SNX29: variants seen among roughly 807,000 people sequenced by gnomAD.
SNX29 encodes sorting nexin-29.
SNX29 carries 78 observed loss-of-function variants against 102.1 expected under a neutral mutation model. The observed-to-expected ratio is 0.76, with a 90% CI of 0.64 to 0.92. The LOEUF (loss-of-function observed/expected upper bound fraction) is 0.92. Among genes scored for constraint, SNX29 ranks in the 40% least tolerant of loss-of-function variants. SNX29 has a pLI of 0.00. For missense variants in SNX29, 1,280 were observed against 1,061.7 expected, an observed-to-expected ratio of 1.21 and a Z score of -2.86; for synonymous variants, 580 against 414.5, an observed-to-expected ratio of 1.40 and a Z score of -4.85.
Position 12,538,644 on chromosome 16 carries a change from C to G in SNX29, c.2318+13803C>G, listed in dbSNP as rs140571296. On this transcript the variant is annotated intron_variant, in intron 20 of 20. Transcript: ENST00000566228. ...GACTAGGAAGAATGGAAAAACTGGG[C>G]TGTGAAACAGAAAGATCCACAGATC... Among the ~76,000 whole-genome samples the G allele has an allele frequency of 1.2e-3, 189 of 152,212 alleles. 2 individuals carry two copies. The highest frequency in any genetic ancestry group is 0.012 in the South Asian group (57 of 4,824).
In SNX29 at chr16:12,572,219, G is replaced by T; in HGVS notation, c.*3590G>T. 1.0e-6 allele frequency: 1 copy of T among 998,512 alleles called. No individual in the cohort carries two copies. The highest frequency in any genetic ancestry group is 1.2e-6 in the Non-Finnish European group (1 of 819,180). 61.9% of individuals were successfully genotyped at this position (998,512 alleles called of 1,614,324 possible). A position where few individuals can be genotyped will look rare whatever the true frequency, so the allele number is the denominator to read the frequency against. ...TAGTATTGTGCTTTAAAAACCAGAG[G>T]CTCCTGAAAGTCGTTTACACCAGGT... is the stretch of plus-strand genomic sequence containing the variant. On this transcript the variant is annotated 3_prime_UTR_variant, in exon 21 of 21. Coordinates refer to ENST00000566228, the MANE Select transcript of SNX29 (RefSeq NM_032167.5).
intron 14 of SNX29, among the ~76,000 whole-genome samples, chr16:12,241,985 AG>A (rs1411847131): frequency 6.6e-6 from 1 of 152,112 alleles, no homozygotes; most frequent in African/African-American, 2.4e-5. Flanking sequence ...TGCTCATCTA[AG>A]AACCCATAGC....
chr16:12,522,690 C>T (rs537007560), intron 19 of SNX29, among the ~76,000 whole-genome samples: 25 of 152,176 alleles, frequency 1.6e-4, no homozygotes, highest in Non-Finnish European at 3.2e-4. Context: ...CTTTGCCTTC[C>T]ACCATGATTG....
At chr16:12,080,066 G>T (rs150853722) in intron 11 of SNX29, among the ~76,000 whole-genome samples, 6 of 152,196 alleles carry the variant, frequency 3.9e-5, no homozygotes, top group African/African-American at 1.2e-4. Context: ...GGAGCCCATG[G>T]TTATTCCTAG....
rs1029444863 is a variant in SNX29, at chr16:12,568,671, G to C, written c.*42G>C. The C allele has an allele frequency of 3.8e-6, 6 of 1,590,530 alleles. No individual in the cohort carries two copies. Among genetic ancestry groups the C allele is most frequent in the African/African-American group, 2.7e-5 (2 of 74,682 alleles). On this transcript the variant is annotated 3_prime_UTR_variant, in exon 21 of 21. Transcript: ENST00000566228. ...GCCACGGGCCCTGTGCGTGGCACCA[G>C]CTGCGTCCACCCCAGCCACTGCCGC...
chr16:12,209,611 G>C (rs72786303), intron 14 of SNX29, among the ~76,000 whole-genome samples: 3,184 of 152,146 alleles, frequency 0.021, 51 homozygotes, highest in Non-Finnish European at 0.032. Flanking sequence ...GGACCTGTAG[G>C]TGGCTGAAGG....
At chr16:12,344,796 A>G (rs952488166) in intron 15 of SNX29, among the ~76,000 whole-genome samples, 3 of 152,202 alleles carry the variant, frequency 2.0e-5, no homozygotes, top group African/African-American at 7.2e-5. Context: ...GAGGAGGCCA[A>G]CGCTGCGCTG....
At chr16:12,560,618 C>A (rs1254469161) in intron 20 of SNX29, 12 of 153,384 alleles carry the variant, frequency 7.8e-5, no homozygotes, top group African/African-American at 2.6e-4. Flanking sequence ...CAACAGCTGC[C>A]TTGTCACATC....
intron 13 of SNX29, among the ~76,000 whole-genome samples, chr16:12,170,688 GT>G (rs2076128019): frequency 1.3e-5 from 2 of 151,958 alleles, no homozygotes. Context: ...GGCTGAGTGG[GT>G]GGTAGACACG....
chr16:12,418,869 T>A (rs2084758571), intron 18 of SNX29, among the ~76,000 whole-genome samples: 2 of 152,294 alleles, frequency 1.3e-5, no homozygotes, highest in East Asian at 3.9e-4. Context: ...TGCAGTTTCC[T>A]ACACAGTCAG....
At chr16:11,986,188 T>C (rs1430846937) in intron 1 of SNX29, among the ~76,000 whole-genome samples, 4 of 151,454 alleles carry the variant, frequency 2.6e-5, no homozygotes, top group Non-Finnish European at 4.4e-5. Flanking sequence ...GCAAGGGGAG[T>C]GAGGACTCTT....
At chr16:12,200,737 G>T (rs971377895) in intron 14 of SNX29, among the ~76,000 whole-genome samples, 1 of 152,024 alleles carries the variant, frequency 6.6e-6, no homozygotes, top group African/African-American at 2.4e-5. Flanking sequence ...CGTCCGCCTC[G>T]GCCTCCCAAA....
intron 13 of SNX29, among the ~76,000 whole-genome samples, chr16:12,197,404 C>G (rs985132815): frequency 3.9e-5 from 6 of 152,002 alleles, no homozygotes; most frequent in East Asian, 1.9e-4. Context: ...ACCCCCATCT[C>G]TACTAAAAAT....
At chr16:12,269,151 A>G (rs573634617) in intron 14 of SNX29, among the ~76,000 whole-genome samples, 21 of 152,324 alleles carry the variant, frequency 1.4e-4, no homozygotes, top group African/African-American at 4.6e-4. Flanking sequence ...TTGCCAAATC[A>G]TTATTTTCCC....
chr16:12,099,534 C>G (rs1269580729), intron 11 of SNX29, among the ~76,000 whole-genome samples: 1 of 152,200 alleles, frequency 6.6e-6, no homozygotes, highest in Admixed American at 6.5e-5. Context: ...CAGATGCAGC[C>G]TGTCTGAGGG....
At chr16:12,256,509 G>C (rs1237264170) in intron 14 of SNX29, among the ~76,000 whole-genome samples, 1 of 152,088 alleles carries the variant, frequency 6.6e-6, no homozygotes, top group African/African-American at 2.4e-5. Context: ...TGTATTTGTA[G>C]CAGAGACGAG....
intron 11 of SNX29, chr16:12,090,065 G>C (rs2052436174): frequency 6.4e-6 from 1 of 155,458 alleles, no homozygotes; most frequent in Admixed American, 6.5e-5. Context: ...GCCAGGATGC[G>C]GGGTGGGGCG....
chr16:12,304,175 TTTTTTG>T (rs977678828), intron 15 of SNX29, among the ~76,000 whole-genome samples: 8 of 140,106 alleles, frequency 5.7e-5, no homozygotes, highest in African/African-American at 2.3e-4. Context: ...CCTATCACTG[TTTTTTG>T]TTTTTTTTTT....
intron 14 of SNX29, among the ~76,000 whole-genome samples, chr16:12,269,885 G>A (rs191347145): frequency 1.2e-4 from 18 of 150,978 alleles, no homozygotes; most frequent in African/African-American, 4.1e-4. Flanking sequence ...ATTTGAGATG[G>A]GGTCTCACTC....
Sources: allele counts gnomAD v4.1 joint callset (sites outside exome capture counted in the v4.1 genomes callset), GRCh38; gene constraint gnomAD v4.1.1; transcripts MANE v1.5; gene names NCBI Gene and HGNC (gene_info 2026-07-23, HGNC 2026-07-21).